Variants in DMD observed in about 807,000 individuals in gnomAD.
The protein encoded by DMD is mutant dystrophin.
Under a neutral mutation model 330.1 loss-of-function variants are expected in DMD, and 63 were observed. That is an observed-to-expected ratio of 0.19 (90% CI 0.16 to 0.24). DMD has a LOEUF of 0.24. DMD is among the 10% of genes least tolerant of loss of function. DMD has a pLI of 1.00. For synonymous variants in DMD, 1,223 were observed against 959.8 expected (o/e 1.27, Z -5.07); for missense variants, 3,344 against 2,684.1 (o/e 1.25, Z -5.43).
At chrX:31,908,485 G>A (rs868376944) in intron 47 of DMD, among the ~76,000 whole-genome samples, 3 of 108,012 alleles carry the variant, frequency 2.8e-5, no homozygotes, top group South Asian at 4.1e-4. Context: ...ACCAAACACC[G>A]CATGTCCTCA....
Position 33,317,719 on chromosome X carries a change from T to C in DMD, c.7+21540A>G, listed in dbSNP as rs776083599. On this transcript the variant is annotated intron_variant, in intron 1 of 17. Transcript: ENST00000288447. ...ATTGTCACTGCAAAATTAATTGTAA[T>C]GTTTCCTATGCAGACATAGTGCTTA... Among the ~76,000 whole-genome samples the C allele has an allele frequency of 4.5e-5, 5 of 111,794 alleles. No homozygotes were observed. In the East Asian group the frequency reaches 1.4e-3, roughly 32 times the overall value.
At chrX:32,245,762 T>G in intron 43 of DMD, among the ~76,000 whole-genome samples, 1 of 94,064 alleles carries the variant, frequency 1.1e-5, no homozygotes. Context: ...GGCTCTCTGT[T>G]TGTCTGTTGT....
intron 27 of DMD, 150 bp from the exon 28 acceptor site, chrX:32,441,464 A>T (rs1273024531): frequency 2.0e-6 from 1 of 492,922 alleles, no homozygotes; most frequent in Non-Finnish European, 3.4e-6. Flanking sequence ...GCAGCTAGAC[A>T]GTTTCATCAT....
At chrX:31,486,139 C>T (rs1362520196) in intron 57 of DMD, among the ~76,000 whole-genome samples, 1 of 112,874 alleles carries the variant, frequency 8.9e-6, no homozygotes, top group Non-Finnish European at 1.9e-5. Context: ...GATCATTAAT[C>T]GGCCACAGGC....
chrX:32,241,259 G>A (rs1009250098), intron 43 of DMD, among the ~76,000 whole-genome samples: 4 of 111,882 alleles, frequency 3.6e-5, no homozygotes, highest in South Asian at 3.7e-4. Context: ...ATCGCGTCCC[G>A]TGGTCTCCAG....
intron 1 of DMD, among the ~76,000 whole-genome samples, chrX:33,170,845 G>C (rs1026561283): frequency 3.6e-5 from 4 of 111,746 alleles, no homozygotes; most frequent in African/African-American, 1.3e-4. Flanking sequence ...GTGAATTTCT[G>C]TAGTAGGTAT....
intron 17 of DMD, among the ~76,000 whole-genome samples, chrX:32,522,323 T>A (rs1322629753): frequency 8.9e-6 from 1 of 111,961 alleles, no homozygotes. Flanking sequence ...TGGAACTCTC[T>A]CTTTTATGTA....
intron 51 of DMD, among the ~76,000 whole-genome samples, chrX:31,746,202 A>T (rs1232187690): frequency 8.9e-6 from 1 of 112,436 alleles, no homozygotes; most frequent in East Asian, 2.8e-4. Context: ...CCATCAATAA[A>T]CTGAGGCAAA....
At chrX:31,448,713 G>T (rs1020310369) in intron 59 of DMD, among the ~76,000 whole-genome samples, 8 of 111,432 alleles carry the variant, frequency 7.2e-5, no homozygotes, top group African/African-American at 9.8e-5. Flanking sequence ...TTATATTGTG[G>T]GTTTTCTTTG....
At chrX:31,184,359 A>G (rs1329088646) in intron 67 of DMD, among the ~76,000 whole-genome samples, 2 of 111,247 alleles carry the variant, frequency 1.8e-5, no homozygotes, top group Non-Finnish European at 3.8e-5. Context: ...AAACACATGA[A>G]AAAATGCTCA....
chrX:33,223,471 A>T (rs1437138888), intron 1 of DMD, among the ~76,000 whole-genome samples: 2 of 112,474 alleles, frequency 1.8e-5, no homozygotes, highest in Admixed American at 1.9e-4. Flanking sequence ...GAATAAACCC[A>T]CATAAATATA....
intron 2 of DMD, among the ~76,000 whole-genome samples, chrX:32,850,805 T>A (rs7880606): frequency 0.21 from 22,889 of 111,330 alleles, 2,618 homozygotes; most frequent in African/African-American, 0.42. Context: ...ATCACCTATC[T>A]GGAAATCCCT....
intron 48 of DMD, among the ~76,000 whole-genome samples, chrX:31,871,606 G>A (rs2093890748): frequency 9.0e-6 from 1 of 110,956 alleles, no homozygotes; most frequent in African/African-American, 3.3e-5. Flanking sequence ...GGCCAGACAA[G>A]GCAAGTTTCT....
chrX:32,911,959 C>G (rs1282585165), intron 2 of DMD, among the ~76,000 whole-genome samples: 1 of 107,369 alleles, frequency 9.3e-6, no homozygotes, highest in African/African-American at 3.4e-5. Context: ...TTAGCAACCA[C>G]AGGAAGCCAC....
intron 60 of DMD, among the ~76,000 whole-genome samples, chrX:31,396,172 C>G (rs1463898108): frequency 8.7e-5 from 9 of 103,970 alleles, no homozygotes; most frequent in Non-Finnish European, 1.4e-4. Flanking sequence ...GAGTCTCGCT[C>G]TGTGGCCCAG....
intron 6 of DMD, among the ~76,000 whole-genome samples, chrX:32,815,518 T>TACACACACACACACACACAC (rs1355168422): frequency 3.3e-4 from 15 of 45,513 alleles, no homozygotes; most frequent in African/African-American, 1.0e-3. Context: ...TATATATATA[T>TACACACACACACACACACAC]ATACACACAC....
chrX:32,874,275 A>AAGTAAGATTCCCC (rs1321050871), intron 2 of DMD, among the ~76,000 whole-genome samples: 2 of 112,113 alleles, frequency 1.8e-5, no homozygotes, highest in South Asian at 7.4e-4. Context: ...CAGAGAGCCA[A>AAGTAAGATTCCCC]AGTAAGATTC....
chrX:32,876,233 C>T (rs113139427), intron 2 of DMD, among the ~76,000 whole-genome samples: 32,971 of 110,833 alleles, frequency 0.3, 3,584 homozygotes, highest in South Asian at 0.44. Flanking sequence ...CTCATTCTTG[C>T]CACATCCTTT....
rs144760204 is a variant in DMD at position 31,565,411 on chromosome X, G to A, written c.8218-57958C>T. ...TTCATTATGTAACCTTTTCAGATGA[G>A]CTGTTTTTACTCAGCATAATTCTGT... On this transcript the variant is annotated intron_variant, in intron 55 of 78. Transcript: ENST00000357033. Among the ~76,000 whole-genome samples the A allele has an allele frequency of 3.7e-3, 411 of 111,857 alleles. 3 individuals carry two copies. Among genetic ancestry groups the A allele is most frequent in the African/African-American group, 0.013 (387 of 30,777 alleles).
Sources: gnomAD v4.1 joint callset for allele counts (sites outside exome capture counted in the v4.1 genomes callset) on GRCh38, gnomAD v4.1.1 for gene constraint, MANE v1.5 for transcripts, NCBI Gene and HGNC (gene_info 2026-07-23, HGNC 2026-07-21) for gene names.